The following PARP4 variants were observed in gnomAD, a reference collection of about 807,000 sequenced individuals.
PARP4 encodes the protein protein mono-ADP-ribosyltransferase PARP4.
In PARP4, 120 loss-of-function variants were observed where a neutral mutation model predicts 187.7. The observed-to-expected ratio is 0.64, with a 90% confidence interval of 0.55 to 0.74. PARP4 has a LOEUF of 0.74. Among genes scored for constraint, PARP4 ranks in the 30% least tolerant of loss-of-function variants. The pLI is 0.00. For synonymous variants in PARP4, 654 were observed against 740.9 expected, an observed-to-expected ratio of 0.88 and a Z score of 1.90; for missense variants, 1,836 against 2,070.5, an observed-to-expected ratio of 0.89 and a Z score of 2.20.
chr13:24,447,770 C>T (rs1212349503), intron 25 of PARP4, among the ~76,000 whole-genome samples: 1 of 152,198 alleles, frequency 6.6e-6, no homozygotes, highest in Admixed American at 6.5e-5. Flanking sequence ...GATTCCAGTA[C>T]TTGAATAGAT....
intron 1 of PARP4, among the ~76,000 whole-genome samples, chr13:24,504,745 G>A (rs1021975175): frequency 2.0e-5 from 3 of 151,808 alleles, no homozygotes; most frequent in African/African-American, 4.8e-5. Context: ...CCACGCTGGA[G>A]TGCACTATTG....
At chr13:24,456,502 C>T (rs768726168) in intron 20 of PARP4, 24 bp from the exon 21 acceptor site, 1 of 1,579,554 alleles carries the variant, frequency 6.3e-7, no homozygotes, top group African/African-American at 1.3e-5. Context: ...ACCGCGACAA[C>T]AAGGTGAGTA....
intron 30 of PARP4, among the ~76,000 whole-genome samples, chr13:24,440,421 A>T (rs1336025816): frequency 1.1e-4 from 3 of 27,450 alleles, no homozygotes; most frequent in Admixed American, 8.6e-4. Flanking sequence ...ATTAAAATTA[A>T]AAAAAAAAAA....
In PARP4 at chr13:24,492,448, T is replaced by C. The variant is rs1868709575; in HGVS notation, c.1026A>G (p.Leu342=). The stretch of plus-strand genomic sequence containing the variant: ...GGCAGAGGTCTGCTTTCTTAGCCAA[T>C]AGTCCCAGGTTCACTTCTTTGGGCA... The part of the protein sequence containing the change: ...GTMPKEVNLG[L]LAKKADLCQL... The change falls in exon 9 of 34, where the codon CTA becomes CTG. Residue 342 remains leucine, a synonymous_variant. Transcript: ENST00000381989. 6.2e-7 allele frequency: 1 copy of C among 1,613,752 alleles called. No individual in the cohort carries two copies. Among genetic ancestry groups the C allele is most frequent in the Non-Finnish European group, 8.5e-7 (1 of 1,179,846 alleles).
At chr13:24,457,770 C>CAAAAAAAAAAAAAAAAAAAAAAAAA (rs33930012) in intron 20 of PARP4, among the ~76,000 whole-genome samples, 2 of 85,666 alleles carry the variant, frequency 2.3e-5, no homozygotes, top group African/African-American at 5.0e-5. Flanking sequence ...GACTCTGTCT[C>CAAAAAAAAAAAAAAAAAAAAAAAAA]AAAAAAAAAA....
At position 24,486,178 on chromosome 13, in the gene PARP4, T is replaced by C; in HGVS notation, c.1342A>G (p.Ile448Val). ...GATGGCTACTCTTACCGACACAAGATTCCCACGATGTTTTGTACAGGAGAA... is the reference window on the plus strand; with the variant it reads ...GATGGCTACTCTTACCGACACAAGACTCCCACGATGTTTTGTACAGGAGAA... ...HGSPVQNIVG[I>V]LCRGLLLPKV... The change falls in exon 11 of 34, where the codon ATC becomes GTC. Residue 448 changes from isoleucine (I) to valine (V), a missense_variant. Physicochemically the swap from Ile to Val is conservative, Grantham distance 29 (BLOSUM62 3). Around this residue, in one of 8 missense-constraint regions of PARP4, gnomAD observed 1,147 missense variants for 1,214.2 expected, o/e 0.94. Coordinates refer to ENST00000381989, the MANE Select transcript of PARP4 (RefSeq NM_006437.4). 6.2e-7 allele frequency: 1 copy of C among 1,610,392 alleles called. No individual in the cohort carries two copies. Among genetic ancestry groups the C allele is most frequent in the Non-Finnish European group, 8.5e-7 (1 of 1,178,808 alleles).
At chr13:24,450,213 TAA>T (rs1207519230) in intron 24 of PARP4, among the ~76,000 whole-genome samples, 1 of 152,090 alleles carries the variant, frequency 6.6e-6, no homozygotes, top group Non-Finnish European at 1.5e-5. Flanking sequence ...AAAGAGTGAA[TAA>T]AGTCTACCTC....
intron 17 of PARP4, among the ~76,000 whole-genome samples, chr13:24,468,357 C>T (rs992662141): frequency 6.6e-6 from 1 of 151,574 alleles, no homozygotes; most frequent in African/African-American, 2.4e-5. Flanking sequence ...GGACCATCTG[C>T]TAGGTGAGCT....
chr13:24,479,727 T>G (rs922216663), intron 12 of PARP4, among the ~76,000 whole-genome samples: 7 of 152,138 alleles, frequency 4.6e-5, no homozygotes, highest in Non-Finnish European at 7.4e-5. Flanking sequence ...ATGTGGGTGG[T>G]GCCAGATAAG....
chr13:24,457,844 C>CT (rs937635861), intron 20 of PARP4, among the ~76,000 whole-genome samples: 22 of 146,484 alleles, frequency 1.5e-4, no homozygotes, highest in African/African-American at 3.5e-4. Context: ...AAGAGAGGAA[C>CT]TTTTTTTTAA....
chr13:24,469,862 G>A (rs1298540798), intron 16 of PARP4, 32 bp downstream of exon 16: 6 of 1,595,972 alleles, frequency 3.8e-6, no homozygotes, highest in Middle Eastern at 1.7e-4. Context: ...TTTGAAAGCC[G>A]AGAGCGGGCA....
At chr13:24,484,428 C>G (rs1873444619) in intron 12 of PARP4, among the ~76,000 whole-genome samples, 1 of 152,140 alleles carries the variant, frequency 6.6e-6, no homozygotes, top group African/African-American at 2.4e-5. Flanking sequence ...CCACCCTGGC[C>G]TCCAAAAGAG....
intron 12 of PARP4, among the ~76,000 whole-genome samples, chr13:24,479,924 G>A (rs1873180006): frequency 6.6e-6 from 1 of 152,212 alleles, no homozygotes; most frequent in Middle Eastern, 3.4e-3. Flanking sequence ...AAGCCCGCGA[G>A]ACCACGAGCC....
chr13:24,471,032 C>G (rs1872710371), intron 15 of PARP4, among the ~76,000 whole-genome samples: 1 of 152,198 alleles, frequency 6.6e-6, no homozygotes, highest in African/African-American at 2.4e-5. Context: ...CCTGGAGTTT[C>G]TCAGCGATCT....
intron 12 of PARP4, among the ~76,000 whole-genome samples, chr13:24,481,557 G>C (rs1353157770): frequency 6.6e-6 from 1 of 152,168 alleles, no homozygotes; most frequent in Non-Finnish European, 1.5e-5. Context: ...GCCAGGCGTG[G>C]TGGCATGCGC....
At chr13:24,502,420 C>T (rs1450364569) in intron 2 of PARP4, among the ~76,000 whole-genome samples, 1 of 152,186 alleles carries the variant, frequency 6.6e-6, no homozygotes, top group Non-Finnish European at 1.5e-5. Flanking sequence ...AACTTCATCC[C>T]CACTGTTGTC....
At chr13:24,463,117 A>G (rs1429970160) in intron 17 of PARP4, among the ~76,000 whole-genome samples, 3 of 152,186 alleles carry the variant, frequency 2.0e-5, no homozygotes, top group Admixed American at 2.0e-4. Context: ...GATAAAGAGA[A>G]TCTTGAAGAT....
rs773087146 is a variant in PARP4 at position 24,500,359 on chromosome 13, G to T, written c.358C>A (p.Pro120Thr). 11 of 1,602,726 alleles carry T rather than the reference G, an allele frequency of 6.9e-6. No individual in the cohort carries two copies. The Admixed American group carries it at 1.2e-4, about 17-fold the overall frequency. The change falls in exon 4 of 34, where the codon CCG (proline) becomes ACG (threonine). Residue 120 changes from proline to threonine, a missense_variant. By Grantham distance (38) the Pro-to-Thr change is conservative. Transcript: ENST00000381989. ...SSEVKTEGLC[P>T]DSATEEEDTV... ...TCTTCCTCCTCTGTGGCACTGTCCGGGCATAGACCTTCTGTTTTCACTTCT... is the reference window on the plus strand; with the variant it reads ...TCTTCCTCCTCTGTGGCACTGTCCGTGCATAGACCTTCTGTTTTCACTTCT...
chr13:24,473,080 G>A (rs1214827296), intron 15 of PARP4, among the ~76,000 whole-genome samples: 1 of 151,900 alleles, frequency 6.6e-6, no homozygotes. Flanking sequence ...ACAGGTGTAC[G>A]CCACTGCGCT....
Sources: gnomAD v4.1 joint callset for allele counts (sites outside exome capture counted in the v4.1 genomes callset) on GRCh38, gnomAD v4.1.1 for gene constraint, gnomAD v4.1.1 regional missense constraint, MANE v1.5 for transcripts, NCBI Gene and HGNC (gene_info 2026-07-23, HGNC 2026-07-21) for gene names.